CPVL: variants seen among roughly 807,000 people sequenced by gnomAD.
CPVL encodes carboxypeptidase vitellogenic like.
Under a neutral mutation model 63.7 loss-of-function variants are expected in CPVL, and 51 were observed. The ratio of observed to expected loss-of-function variants is 0.80; its 90% confidence interval spans 0.64 to 1.01. CPVL has a LOEUF of 1.01. CPVL is among the 50% of genes least tolerant of loss of function. CPVL has a pLI of 0.00. For missense variants in CPVL, 530 were observed against 573.1 expected (o/e 0.92, Z 0.77); for synonymous variants, 195 against 206.0 (o/e 0.95, Z 0.46).
chr7:29,059,639 T>C (rs1298646089), intron 11 of CPVL, among the ~76,000 whole-genome samples: 1 of 152,058 alleles, frequency 6.6e-6, no homozygotes, highest in African/African-American at 2.4e-5. Context: ...AAATCCAACA[T>C]CCTTTCTTGA....
intron 1 of CPVL, among the ~76,000 whole-genome samples, chr7:29,127,776 G>A (rs1790188985): frequency 6.6e-6 from 1 of 152,070 alleles, no homozygotes; most frequent in African/African-American, 2.4e-5. Context: ...TCACACCGAG[G>A]CTGAAAGGAA....
chr7:29,042,862 C>T (rs574023007), intron 11 of CPVL, among the ~76,000 whole-genome samples: 51 of 152,324 alleles, frequency 3.3e-4, no homozygotes, highest in Non-Finnish European at 4.7e-4. Flanking sequence ...GCTCTCAAAA[C>T]GGATATGGAC....
intron 5 of CPVL, among the ~76,000 whole-genome samples, chr7:29,152,057 T>C (rs747210288): frequency 1.3e-5 from 2 of 152,218 alleles, no homozygotes; most frequent in Non-Finnish European, 2.9e-5. Context: ...TGCTTACTCA[T>C]ATTGTGCCTA....
upstream of CPVL, among the ~76,000 whole-genome samples, chr7:29,150,768 A>C (rs1198126475): frequency 6.6e-6 from 1 of 152,156 alleles, no homozygotes; most frequent in African/African-American, 2.4e-5. Context: ...GTTCCTTTTC[A>C]GTGTTGTTAC....
chr7:29,018,668 C>T (rs1786656770), intron 12 of CPVL, among the ~76,000 whole-genome samples: 1 of 152,182 alleles, frequency 6.6e-6, no homozygotes, highest in Admixed American at 6.5e-5. Flanking sequence ...CGTCAGCAAC[C>T]CTGCCCGGCC....
At chr7:29,127,754 A>C (rs1790186900) in intron 1 of CPVL, among the ~76,000 whole-genome samples, 1 of 152,138 alleles carries the variant, frequency 6.6e-6, no homozygotes, top group African/African-American at 2.4e-5. Context: ...CTATACCCAG[A>C]GGGAAGGAAT....
At chr7:29,136,109 T>C (rs1005166254) in intron 1 of CPVL, among the ~76,000 whole-genome samples, 4 of 152,190 alleles carry the variant, frequency 2.6e-5, no homozygotes, top group Non-Finnish European at 4.4e-5. Context: ...GAGCAACCAC[T>C]GCATATTGGA....
In CPVL at chr7:29,175,630, A is replaced by T. The variant is rs894308741; in HGVS notation, c.-11+5660T>A. 4.6e-5 allele frequency among the ~76,000 whole-genome samples: 7 copies of T among 152,168 alleles called. No individual in the cohort carries two copies. In the South Asian group the frequency reaches 1.4e-3, roughly 31 times the overall value. On this transcript the variant is annotated intron_variant, in intron 5 of 16. Coordinates refer to the CPVL transcript ENST00000409850. ...TCAATTTTTCCTCTTATCTTTGTAGATTACCAATCTTGAGTATGCCTTTAT... is the reference window on the plus strand; with the variant it reads ...TCAATTTTTCCTCTTATCTTTGTAGTTTACCAATCTTGAGTATGCCTTTAT...
At chr7:29,002,696 A>C (rs1308705166) in intron 12 of CPVL, among the ~76,000 whole-genome samples, 1 of 152,134 alleles carries the variant, frequency 6.6e-6, no homozygotes, top group African/African-American at 2.4e-5. Flanking sequence ...AAGAGAATCA[A>C]ATGGAAGTTC....
chr7:29,034,969 A>AT (rs543604413), intron 11 of CPVL, among the ~76,000 whole-genome samples: 54 of 148,648 alleles, frequency 3.6e-4, no homozygotes, highest in East Asian at 1.2e-3. Flanking sequence ...ACCAGCTCTC[A>AT]TTTTTTTTTT....
chr7:29,118,692 G>A (rs1789032499), intron 2 of CPVL, among the ~76,000 whole-genome samples: 1 of 152,222 alleles, frequency 6.6e-6, no homozygotes, highest in African/African-American at 2.4e-5. Flanking sequence ...CCTATTGGCT[G>A]TGAGAACACT....
At chr7:29,092,757 A>T in intron 5 of CPVL, 55 bp from the exon 6 acceptor site, 1 of 1,243,014 alleles carries the variant, frequency 8.0e-7, no homozygotes, top group South Asian at 1.2e-5. Flanking sequence ...TGCCTTAGGG[A>T]CCTGCAGAGA....
chr7:29,142,243 A>T (rs910956651), intron 1 of CPVL, among the ~76,000 whole-genome samples: 3 of 152,168 alleles, frequency 2.0e-5, no homozygotes, highest in Non-Finnish European at 2.9e-5. Flanking sequence ...ATCATTGAAC[A>T]CCTGTATTTA....
chr7:29,123,076 A>T (rs1729995241), intron 1 of CPVL, among the ~76,000 whole-genome samples: 1 of 152,220 alleles, frequency 6.6e-6, no homozygotes, highest in Non-Finnish European at 1.5e-5. Context: ...AAAGAGATAC[A>T]CAATTATGCA....
At chr7:29,049,272 A>G (rs1322864620) in intron 11 of CPVL, among the ~76,000 whole-genome samples, 2 of 152,154 alleles carry the variant, frequency 1.3e-5, no homozygotes, top group Non-Finnish European at 2.9e-5. Context: ...ATAGACCATT[A>G]GCAAGATTAA....
chr7:29,089,699 C>A (rs1283104771), intron 6 of CPVL, among the ~76,000 whole-genome samples: 14 of 152,154 alleles, frequency 9.2e-5, no homozygotes, highest in Non-Finnish European at 2.1e-4. Flanking sequence ...ATGAACCAAC[C>A]CTTAATCTGC....
chr7:29,171,953 G>C (rs1483322411), intron 5 of CPVL, among the ~76,000 whole-genome samples: 1 of 152,190 alleles, frequency 6.6e-6, no homozygotes, highest in Non-Finnish European at 1.5e-5. Flanking sequence ...AGCTGTATCT[G>C]AAGTAATTGT....
At chr7:29,175,409 C>T (rs144324558) in intron 5 of CPVL, among the ~76,000 whole-genome samples, 14 of 152,166 alleles carry the variant, frequency 9.2e-5, no homozygotes, top group Admixed American at 2.6e-4. Context: ...CTCCAGACTT[C>T]GGGTTTTCTG....
chr7:29,069,033 G>A (rs1194631537), intron 9 of CPVL, among the ~76,000 whole-genome samples: 1 of 152,010 alleles, frequency 6.6e-6, no homozygotes, highest in Non-Finnish European at 1.5e-5. Context: ...ATAGGCCAGG[G>A]TCATTCTGAA....
Sources: gnomAD v4.1 joint callset for allele counts (sites outside exome capture counted in the v4.1 genomes callset) on GRCh38, gnomAD v4.1.1 for gene constraint, MANE v1.5 for transcripts, NCBI Gene and HGNC (gene_info 2026-07-23, HGNC 2026-07-21) for gene names.